Variants in LRRFIP2 observed in about 807,000 individuals in gnomAD.
LRRFIP2 encodes LRR binding FLII interacting protein 2.
A neutral mutation model predicts 125.9 loss-of-function variants in LRRFIP2; 109 were observed. The observed-to-expected ratio is 0.87, with a 90% CI of 0.74 to 1.01. LRRFIP2 has a LOEUF of 1.01. Among genes scored for constraint, LRRFIP2 ranks in the 50% least tolerant of loss-of-function variants. The pLI is 0.00. For synonymous variants in LRRFIP2, 291 were observed against 293.1 expected (o/e 0.99, Z 0.07); for missense variants, 850 against 862.3 (o/e 0.99, Z 0.18).
At chr3:37,110,446 T>C (rs1419250606) in intron 9 of LRRFIP2, among the ~76,000 whole-genome samples, 1 of 152,238 alleles carries the variant, frequency 6.6e-6, no homozygotes, top group Non-Finnish European at 1.5e-5. Context: ...CTGTGTGCCA[T>C]ACACTTAATG....
At chr3:37,122,259 ATGCC>A (rs1405595449) in intron 4 of LRRFIP2, among the ~76,000 whole-genome samples, 6 of 151,348 alleles carry the variant, frequency 4.0e-5, no homozygotes, top group Non-Finnish European at 7.4e-5. Context: ...ATCCTTTTTT[ATGCC>A]TGCATAGTAT....
chr3:37,163,638 G>C (rs1330972106), intron 1 of LRRFIP2, among the ~76,000 whole-genome samples: 1 of 152,182 alleles, frequency 6.6e-6, no homozygotes, highest in East Asian at 1.9e-4. Context: ...TAAATTTTGT[G>C]TTAAAAACCA....
At chr3:37,138,810 C>T (rs2095621805) in intron 2 of LRRFIP2, among the ~76,000 whole-genome samples, 3 of 152,138 alleles carry the variant, frequency 2.0e-5, no homozygotes, top group Admixed American at 2.0e-4. Context: ...GTGTTCATAC[C>T]ACAGATCTTA....
chr3:37,064,089 A>G lies in LRRFIP2; in HGVS notation c.1700-298T>C, dbSNP rs187128245. 8.2e-5 allele frequency: 28 copies of G among 339,754 alleles called. No individual in the cohort carries two copies. In the Admixed American group the frequency reaches 1.2e-3, roughly 14 times the overall value. 21.0% of individuals were successfully genotyped at this position (339,754 alleles called of 1,614,324 possible). A position where few individuals can be genotyped will look rare whatever the true frequency, so the allele number is the denominator to read the frequency against. Reference sequence around the variant, plus strand: ...ACAAAGGAGGTCATTTCCTTGTTTCAAGCTTTCACTAGTAGACAGACAACT... The same window carrying G: ...ACAAAGGAGGTCATTTCCTTGTTTCGAGCTTTCACTAGTAGACAGACAACT... On this transcript the variant is annotated intron_variant, in intron 23 of 27. Coordinates refer to ENST00000336686, the MANE Select transcript of LRRFIP2 (RefSeq NM_006309.4).
chr3:37,104,267 C>T (rs1396360098), intron 14 of LRRFIP2, among the ~76,000 whole-genome samples: 1 of 152,088 alleles, frequency 6.6e-6, no homozygotes, highest in African/African-American at 2.4e-5. Context: ...CCCCAATGTA[C>T]AAATAAAGAC....
At chr3:37,134,343 C>T (rs1004257643) in intron 2 of LRRFIP2, among the ~76,000 whole-genome samples, 1 of 152,204 alleles carries the variant, frequency 6.6e-6, no homozygotes, top group Admixed American at 6.5e-5. Context: ...TAAGAAAGAA[C>T]TTCTCGGCCT....
chr3:37,083,610 A>C, intron 19 of LRRFIP2, 26 bp downstream of exon 19: 1 of 1,505,242 alleles, frequency 6.6e-7, no homozygotes, highest in Non-Finnish European at 8.9e-7. Context: ...TTTCTGCCCC[A>C]AGAGAAAATA....
intron 2 of LRRFIP2, among the ~76,000 whole-genome samples, chr3:37,143,160 C>T (rs1288105526): frequency 1.3e-5 from 2 of 152,164 alleles, no homozygotes; most frequent in Non-Finnish European, 2.9e-5. Flanking sequence ...TACAGCCTGC[C>T]AAACCATAAG....
In LRRFIP2 at chr3:37,052,991, T is replaced by C. The variant is rs1478403272; in HGVS notation, c.*860A>G. On this transcript the variant is annotated 3_prime_UTR_variant, in exon 28 of 28. Coordinates refer to ENST00000336686, the MANE Select transcript of LRRFIP2 (RefSeq NM_006309.4). ...AAAGTCTCCTATAACAAAATGAACA[T>C]GTCAGTAGCCAATTGTGGTTGGCAA... is the stretch of plus-strand genomic sequence containing the variant. 6.6e-6 allele frequency: 1 copy of C among 152,506 alleles called. No individual in the cohort carries two copies. The highest frequency in any genetic ancestry group is 6.6e-5 in the Admixed American group (1 of 15,266). The allele number at this position is 152,506 out of a possible 1,614,324, so 9.4% of individuals were successfully genotyped here. A position where few individuals can be genotyped will look rare whatever the true frequency, so the allele number is the denominator to read the frequency against.
chr3:37,119,476 G>T (rs1273419544), intron 6 of LRRFIP2, among the ~76,000 whole-genome samples: 1 of 151,846 alleles, frequency 6.6e-6, no homozygotes, highest in Non-Finnish European at 1.5e-5. Context: ...ATTTCCTAAG[G>T]CCACATACAA....
chr3:37,065,556 T>C (rs1486036607), intron 23 of LRRFIP2: 2 of 628,682 alleles, frequency 3.2e-6, no homozygotes, highest in East Asian at 3.3e-5. Context: ...TAAAAACCGA[T>C]GTGTATAGGC....
chr3:37,056,942 C>G (rs2148626790), intron 25 of LRRFIP2, among the ~76,000 whole-genome samples: 1 of 152,252 alleles, frequency 6.6e-6, no homozygotes, highest in East Asian at 1.9e-4. Context: ...TTCCTGTTTT[C>G]AAAAGTTTAA....
At chr3:37,115,296 T>C (rs1255192565) in intron 6 of LRRFIP2, among the ~76,000 whole-genome samples, 1 of 152,360 alleles carries the variant, frequency 6.6e-6, no homozygotes, top group East Asian at 1.9e-4. Flanking sequence ...CTAAACTGTA[T>C]GTATATTCAA....
chr3:37,066,287 C>T lies in LRRFIP2; in HGVS notation c.1503G>A (p.Arg501=). ...CCTCTCTGAGCATATCTCGCTCATT[C>T]CTAAGGCAGGCAATGTATTCTTTCT... ...EKQKEYIACL[R]NERDMLREEL... Residue 501 remains arginine (R), a synonymous_variant, in exon 22 of 28, where the codon AGG becomes AGA. Coordinates refer to ENST00000336686, the MANE Select transcript of LRRFIP2 (RefSeq NM_006309.4). 1 of 1,614,146 alleles carries T rather than the reference C, an allele frequency of 6.2e-7. No homozygotes were observed. The highest frequency in any genetic ancestry group is 8.5e-7 in the Non-Finnish European group (1 of 1,180,004).
intron 6 of LRRFIP2, among the ~76,000 whole-genome samples, chr3:37,117,834 A>C (rs1576898111): frequency 1.3e-5 from 2 of 152,188 alleles, no homozygotes; most frequent in Non-Finnish European, 2.9e-5. Context: ...TGGGCTACAC[A>C]CCATAGTGTC....
chr3:37,174,139 G>A (rs954304848), intron 1 of LRRFIP2: 1 of 152,106 alleles, frequency 6.6e-6, no homozygotes, highest in African/African-American at 2.4e-5. Context: ...AGAAGTAAAG[G>A]AATTTAGTAA....
intron 4 of LRRFIP2, among the ~76,000 whole-genome samples, chr3:37,126,661 C>A (rs908213272): frequency 8.6e-5 from 13 of 151,772 alleles, no homozygotes; most frequent in Non-Finnish European, 1.8e-4. Context: ...TAGTTCGAGA[C>A]CAGCCTGGCC....
At chr3:37,093,823 C>A (rs2093592712) in intron 17 of LRRFIP2, among the ~76,000 whole-genome samples, 1 of 152,180 alleles carries the variant, frequency 6.6e-6, no homozygotes, top group African/African-American at 2.4e-5. Flanking sequence ...ACTTCTCATG[C>A]CACCCTCTGG....
intron 17 of LRRFIP2, among the ~76,000 whole-genome samples, chr3:37,091,981 T>C (rs573769601): frequency 5.2e-4 from 79 of 152,206 alleles, no homozygotes; most frequent in African/African-American, 1.9e-3. Context: ...CATGCAAAAG[T>C]TTTTTAAAAA....
Sources: gnomAD v4.1 joint callset for allele counts (sites outside exome capture counted in the v4.1 genomes callset) on GRCh38, gnomAD v4.1.1 for gene constraint, MANE v1.5 for transcripts, NCBI Gene and HGNC (gene_info 2026-07-23, HGNC 2026-07-21) for gene names.